The following XYLT1 variants were observed in gnomAD, a reference collection of about 807,000 sequenced individuals.
XYLT1 encodes the protein beta-D-xylosyltransferase 1.
Under a neutral mutation model 91.3 loss-of-function variants are expected in XYLT1, and 36 were observed. The ratio of observed to expected loss-of-function variants is 0.39; its 90% CI spans 0.30 to 0.52. XYLT1 has a LOEUF of 0.52. Among genes scored for constraint, XYLT1 ranks in the 20% least tolerant of loss-of-function variants. The pLI is 0.68. For missense variants in XYLT1, 1,242 were observed against 1,284.5 expected, an observed-to-expected ratio of 0.97 and a Z score of 0.51; for synonymous variants, 588 against 532.0, an observed-to-expected ratio of 1.11 and a Z score of -1.45.
intron 2 of XYLT1, 29 bp from the exon 3 acceptor site, chr16:17,259,527 G>C: frequency 1.9e-6 from 3 of 1,593,274 alleles, no homozygotes; most frequent in Non-Finnish European, 2.6e-6. Context: ...AAACAGAAGA[G>C]AAACTTGACT....
At chr16:17,441,676 T>C (rs1438365054) in intron 1 of XYLT1, among the ~76,000 whole-genome samples, 1 of 152,190 alleles carries the variant, frequency 6.6e-6, no homozygotes, top group Non-Finnish European at 1.5e-5. Context: ...TAGCAGGTAC[T>C]CTAAGTAGCA....
intron 1 of XYLT1, among the ~76,000 whole-genome samples, chr16:17,397,925 C>T (rs184870053): frequency 2.2e-4 from 33 of 149,504 alleles, no homozygotes; most frequent in African/African-American, 7.7e-4. Flanking sequence ...CGGGTTCAAG[C>T]GATTCTCCTG....
chr16:17,146,042 G>A (rs2031123270), intron 6 of XYLT1, among the ~76,000 whole-genome samples: 1 of 152,154 alleles, frequency 6.6e-6, no homozygotes. Context: ...GGAGACTTCA[G>A]GGTTTGGAAG....
chr16:17,229,035 T>A, intron 3 of XYLT1, among the ~76,000 whole-genome samples: 1 of 152,152 alleles, frequency 6.6e-6, no homozygotes, highest in East Asian at 1.9e-4. Context: ...AGTGGCACAA[T>A]CTCGGCTCAC....
At chr16:17,178,258 G>A (rs993466383) in intron 5 of XYLT1, among the ~76,000 whole-genome samples, 4 of 152,138 alleles carry the variant, frequency 2.6e-5, no homozygotes, top group Admixed American at 6.5e-5. Flanking sequence ...GGCACACGAA[G>A]TAGGTTAGGG....
At chr16:17,357,172 CA>C (rs1168668915) in intron 2 of XYLT1, among the ~76,000 whole-genome samples, 10,271 of 41,682 alleles carry the variant, frequency 0.25, 661 homozygotes, top group Middle Eastern at 0.38. Context: ...GACTCGGTCT[CA>C]AAAAAAAAAA....
intron 1 of XYLT1, among the ~76,000 whole-genome samples, chr16:17,457,760 G>T (rs1443178357): frequency 6.6e-6 from 1 of 152,258 alleles, no homozygotes; most frequent in African/African-American, 2.4e-5. Flanking sequence ...TAGGATAAAA[G>T]AAAGTGCAAA....
rs1017085743 is a variant in XYLT1, at chr16:17,232,921, G to A, written c.913+26067C>T. 4.6e-5 allele frequency among the ~76,000 whole-genome samples: 7 copies of A among 152,150 alleles called. No homozygotes were observed. In the South Asian group the frequency reaches 8.3e-4, roughly 18 times the overall value. ...ACTTATTTATCTCAAAGACTACGAC[G>A]TTTTCACTGATTGCCCCCTTTGGGC... On this transcript the variant is annotated intron_variant, in intron 3 of 11. Coordinates refer to ENST00000261381, the MANE Select transcript of XYLT1 (RefSeq NM_022166.4).
At chr16:17,144,012 T>C (rs1462454853) in intron 6 of XYLT1, among the ~76,000 whole-genome samples, 1 of 152,252 alleles carries the variant, frequency 6.6e-6, no homozygotes, top group Non-Finnish European at 1.5e-5. Flanking sequence ...AAGGGCTTTA[T>C]ATGGATTATC....
At chr16:17,205,577 C>T (rs11865105) in intron 3 of XYLT1, among the ~76,000 whole-genome samples, 87,184 of 152,090 alleles carry the variant, frequency 0.57, 27,649 homozygotes, top group African/African-American at 0.84. Context: ...TGGCATCTAG[C>T]AAATCCTCAA....
At chr16:17,256,062 C>G (rs894285268) in intron 3 of XYLT1, among the ~76,000 whole-genome samples, 1 of 152,042 alleles carries the variant, frequency 6.6e-6, no homozygotes, top group African/African-American at 2.4e-5. Context: ...CAGACACATG[C>G]TTGCTACTAG....
intron 2 of XYLT1, among the ~76,000 whole-genome samples, chr16:17,319,477 G>T (rs1323991060): frequency 1.7e-4 from 26 of 150,034 alleles, no homozygotes; most frequent in African/African-American, 6.4e-4. Context: ...AACTAAATCT[G>T]TGTCACCCAG....
chr16:17,397,785 A>G (rs923733621), intron 1 of XYLT1, among the ~76,000 whole-genome samples: 6 of 149,652 alleles, frequency 4.0e-5, no homozygotes, highest in Non-Finnish European at 8.9e-5. Flanking sequence ...GGAATGAGTC[A>G]TTGCTACGAT....
Position 17,108,316 on chromosome 16 carries a change from C to T in XYLT1, c.*379G>A, listed in dbSNP as rs1049330381. On this transcript the variant is annotated 3_prime_UTR_variant, in exon 12 of 12. Coordinates refer to ENST00000261381, the MANE Select transcript of XYLT1 (RefSeq NM_022166.4). ...AGAGCAGCTTGGATTTCGTCAGCACCCTGAACCTCCACTTATGACTGTGCT... is the reference window on the plus strand; with the variant it reads ...AGAGCAGCTTGGATTTCGTCAGCACTCTGAACCTCCACTTATGACTGTGCT... 5.6e-6 allele frequency: 1 copy of T among 179,380 alleles called. No homozygotes were observed. The highest frequency in any genetic ancestry group is 2.3e-5 in the African/African-American group (1 of 42,558). 11.1% of individuals were successfully genotyped at this position (179,380 alleles called of 1,614,324 possible).
At chr16:17,321,901 T>A (rs2034729827) in intron 2 of XYLT1, among the ~76,000 whole-genome samples, 1 of 152,158 alleles carries the variant, frequency 6.6e-6, no homozygotes, top group African/African-American at 2.4e-5. Flanking sequence ...TGCGGAGCTA[T>A]CTTTTCTGTG....
chr16:17,272,402 G>A (rs1399214018), intron 2 of XYLT1, among the ~76,000 whole-genome samples: 1 of 151,956 alleles, frequency 6.6e-6, no homozygotes, highest in Non-Finnish European at 1.5e-5. Flanking sequence ...GACCTCAAGT[G>A]ATCTGCCTCC....
Position 17,108,959 on chromosome 16 carries a change from G to A in XYLT1, c.2616C>T (p.Phe872=), listed in dbSNP as rs1966816753. 6.3e-7 allele frequency: 1 copy of A among 1,583,740 alleles called. No homozygotes were observed. The highest frequency in any genetic ancestry group is 8.6e-7 in the Non-Finnish European group (1 of 1,158,524). ...PLRNAYMEQS[F]QSLNPVLSLP... is the part of the protein sequence containing the mutation. ...GGCTGAGGACGGGGTTTAGGCTCTGGAAGCTCTGCTCCATGTAGGCATTGC... is the reference window on the plus strand; with the variant it reads ...GGCTGAGGACGGGGTTTAGGCTCTGAAAGCTCTGCTCCATGTAGGCATTGC... Residue 872 remains phenylalanine (F), a synonymous_variant, in exon 12 of 12, where the codon TTC becomes TTT. Transcript: ENST00000261381.
intron 1 of XYLT1, among the ~76,000 whole-genome samples, chr16:17,381,420 C>T (rs909495126): frequency 1.6e-5 from 2 of 125,416 alleles, no homozygotes; most frequent in Non-Finnish European, 3.6e-5. Context: ...AAAGGCAACA[C>T]CTTTTTTTTT....
At chr16:17,302,363 A>G (rs2034409105) in intron 2 of XYLT1, among the ~76,000 whole-genome samples, 1 of 152,216 alleles carries the variant, frequency 6.6e-6, no homozygotes, top group African/African-American at 2.4e-5. Flanking sequence ...GCAGACAGCC[A>G]TGAATACCTC....
Sources: gnomAD v4.1 joint callset for allele counts (sites outside exome capture counted in the v4.1 genomes callset) on GRCh38, gnomAD v4.1.1 for gene constraint, MANE v1.5 for transcripts, NCBI Gene and HGNC (gene_info 2026-07-23, HGNC 2026-07-21) for gene names.